AOPEP: variants seen among roughly 807,000 people sequenced by gnomAD.
AOPEP encodes aminopeptidase O.
In AOPEP, 77 loss-of-function variants were observed where a neutral mutation model predicts 98.1. The observed-to-expected ratio is 0.78, with a 90% CI of 0.65 to 0.95. The LOEUF is 0.95. Ranked by LOEUF, AOPEP falls within the 40% of genes least tolerant of loss-of-function variation. The pLI, the probability that AOPEP is intolerant of heterozygous loss-of-function variation, is 0.00. For synonymous variants in AOPEP, 346 were observed against 365.3 expected (o/e 0.95, Z 0.60); for missense variants, 1,024 against 1,024.7 (o/e 1.00, Z 0.01).
At chr9:94,985,088 T>G (rs2060433499) in intron 11 of AOPEP, among the ~76,000 whole-genome samples, 1 of 152,238 alleles carries the variant, frequency 6.6e-6, no homozygotes, top group Admixed American at 6.5e-5. Context: ...CTCAGTCTCC[T>G]CTTTGGAGGA....
At chr9:95,071,847 TAATGAGTCTGATTCAAGATG>T (rs1429774202) in intron 14 of AOPEP, among the ~76,000 whole-genome samples, 1 of 152,224 alleles carries the variant, frequency 6.6e-6, no homozygotes, top group Non-Finnish European at 1.5e-5. Flanking sequence ...TGCCCCTTTT[TAATGAGTCTGATTCAAGATG>T]AATGCCAGAC....
chr9:95,103,468 G>A, the AOPEP span, among the ~76,000 whole-genome samples: 75 of 152,332 alleles, frequency 4.9e-4, 2 homozygotes, highest in East Asian at 0.012. Flanking sequence ...CAGGAGGCAG[G>A]AGAAGGAGAA....
chr9:94,825,228 G>A (rs980249004), intron 5 of AOPEP, among the ~76,000 whole-genome samples: 1 of 152,190 alleles, frequency 6.6e-6, no homozygotes, highest in African/African-American at 2.4e-5. Flanking sequence ...ATATGGTTTT[G>A]TGCTTCCCCG....
rs201029507 is a variant in AOPEP, at chr9:94,793,320, C to T, written c.1118+402C>T. Among the ~76,000 whole-genome samples the T allele has an allele frequency of 3.3e-5, 5 of 151,784 alleles. No homozygotes were observed. The East Asian group carries it at 7.8e-4, about 24-fold the overall frequency. ...CTGAGATTGCGCCACTGCACTCCAC[C>T]CTGGTGACAGAGTAAGACTCTGTCT... On this transcript the variant is annotated intron_variant, in intron 4 of 16. Coordinates refer to ENST00000375315, the MANE Select transcript of AOPEP (RefSeq NM_001193329.3).
At chr9:95,092,016 C>T (rs2070873805), downstream of AOPEP, among the ~76,000 whole-genome samples, 1 of 151,768 alleles carries the variant, frequency 6.6e-6, no homozygotes, top group Non-Finnish European at 1.5e-5. Context: ...CAGGCTGTGG[C>T]CTGAGAGAGT....
intron 1 of AOPEP, among the ~76,000 whole-genome samples, chr9:94,735,557 C>T (rs551294430): frequency 1.3e-5 from 2 of 152,254 alleles, no homozygotes; most frequent in East Asian, 3.9e-4. Flanking sequence ...CTCACACCAG[C>T]CCACCCCCAA....
Position 94,800,751 on chromosome 9 carries a change from T to G in AOPEP, c.1119-6T>G. ...TGTTTTACCATTTATTTTGTGTTAT[T>G]CCCAGGCATGTTGGTGTTTGCAGTC... On this transcript the variant is annotated splice_region_variant and splice_polypyrimidine_tract_variant and intron_variant, in intron 4 of 16. Transcript: ENST00000375315. 1.2e-6 allele frequency: 2 copies of G among 1,613,818 alleles called. No homozygotes were observed. Among genetic ancestry groups the G allele is most frequent in the Non-Finnish European group, 8.5e-7 (1 of 1,179,710 alleles).
At chr9:94,849,559 A>C (rs1258655676) in intron 5 of AOPEP, among the ~76,000 whole-genome samples, 1 of 147,228 alleles carries the variant, frequency 6.8e-6, no homozygotes, top group Non-Finnish European at 1.5e-5. Flanking sequence ...GTGGTCCCCA[A>C]CCTTTTTGGC....
rs539718158 is a variant in AOPEP, at chr9:94,989,393, C to T, written c.1977+9966C>T. Among the ~76,000 whole-genome samples the T allele has an allele frequency of 1.8e-3, 280 of 151,944 alleles. 2 individuals are homozygous for T. The highest frequency in any genetic ancestry group is 6.5e-3 in the African/African-American group (268 of 41,428). ...CTAGGATTACAGGTGTGGGCCACCG[C>T]GCCCAGCTAATTTTTGTATTTTTAG... is the stretch of plus-strand genomic sequence containing the variant. On this transcript the variant is annotated intron_variant, in intron 11 of 16. Transcript: ENST00000375315.
chr9:94,960,327 C>T (rs2058730616), intron 9 of AOPEP, among the ~76,000 whole-genome samples: 1 of 151,616 alleles, frequency 6.6e-6, no homozygotes, highest in Non-Finnish European at 1.5e-5. Flanking sequence ...AGGAGAATAG[C>T]TTGAACCCAG....
Position 94,760,388 on chromosome 9 carries a change from A to T in AOPEP, c.605A>T (p.Gln202Leu). 1.2e-6 allele frequency: 2 copies of T among 1,614,190 alleles called. No homozygotes were observed. The highest frequency in any genetic ancestry group is 3.3e-5 in the Admixed American group (2 of 60,024). Reference sequence around the variant, plus strand: ...TTGCCTGCAAATCGTTGGAGGGAGCAGTTAGACTATTACGCTCGCTGCAGC... The same window carrying T: ...TTGCCTGCAAATCGTTGGAGGGAGCTGTTAGACTATTACGCTCGCTGCAGC... ...VTLPANRWRE[Q>L]LDYYARCSQA... The change falls in exon 2 of 17, where the codon CAG (glutamine) becomes CTG (leucine). Residue 202 changes from glutamine (Q) to leucine (L), a missense_variant. Gln to Leu is a moderately radical substitution (Grantham distance 113). This residue lies in a region of AOPEP where 440 missense variants were observed against 433.8 expected (regional missense o/e 1.01). Coordinates refer to ENST00000375315, the MANE Select transcript of AOPEP (RefSeq NM_001193329.3).
At chr9:94,738,686 G>A (rs1159594583) in intron 1 of AOPEP, among the ~76,000 whole-genome samples, 2 of 152,088 alleles carry the variant, frequency 1.3e-5, no homozygotes, top group Non-Finnish European at 2.9e-5. Flanking sequence ...CCATTCTCCC[G>A]CCTCAGCCTC....
intron 5 of AOPEP, among the ~76,000 whole-genome samples, chr9:94,819,182 T>G (rs12348060): frequency 0.056 from 8,531 of 152,294 alleles, 361 homozygotes; most frequent in South Asian, 0.11. Flanking sequence ...CCATCACTTT[T>G]GGATCAGAGA....
the AOPEP span, among the ~76,000 whole-genome samples, chr9:95,096,248 C>T: frequency 2.6e-4 from 39 of 152,170 alleles, no homozygotes; most frequent in Non-Finnish European, 8.8e-5. Context: ...ACGTGATTTA[C>T]TCGGCGGGAG....
chr9:94,949,405 G>T (rs2057936380), intron 7 of AOPEP, among the ~76,000 whole-genome samples: 1 of 152,148 alleles, frequency 6.6e-6, no homozygotes, highest in African/African-American at 2.4e-5. Flanking sequence ...GACTTCTTAT[G>T]GGTACCCACC....
chr9:94,886,485 A>T (rs1228102509), intron 5 of AOPEP, among the ~76,000 whole-genome samples: 1 of 152,234 alleles, frequency 6.6e-6, no homozygotes, highest in Non-Finnish European at 1.5e-5. Context: ...ATATTTAAGA[A>T]GGCAAACTTG....
At chr9:94,934,315 C>CTTTTTTTTTTTTTTTTTTT (rs974551445) in intron 7 of AOPEP, among the ~76,000 whole-genome samples, 12 of 116,730 alleles carry the variant, frequency 1.0e-4, no homozygotes, top group African/African-American at 4.8e-4. Context: ...CTTCTCCCAT[C>CTTTTTTTTTTTTTTTTTTT]TTTTTTTTTT....
At chr9:95,060,872 T>C in intron 14 of AOPEP, 62 bp downstream of exon 14, 1 of 1,050,512 alleles carries the variant, frequency 9.5e-7, no homozygotes, top group Non-Finnish European at 1.5e-6. Context: ...AGAATGGTGA[T>C]CCCATTGCAG....
At chr9:94,995,465 CCTAGT>C (rs1416257183) in intron 11 of AOPEP, among the ~76,000 whole-genome samples, 14 of 152,188 alleles carry the variant, frequency 9.2e-5, no homozygotes, top group Non-Finnish European at 1.8e-4. Context: ...ACAGAGAGTG[CCTAGT>C]CTAAATTCCC....
Sources: gnomAD v4.1 joint callset for allele counts (sites outside exome capture counted in the v4.1 genomes callset) on GRCh38, gnomAD v4.1.1 for gene constraint, gnomAD v4.1.1 regional missense constraint, MANE v1.5 for transcripts, NCBI Gene and HGNC (gene_info 2026-07-23, HGNC 2026-07-21) for gene names.